ABHD12: variants seen among roughly 807,000 people sequenced by gnomAD.
ABHD12 encodes abhydrolase domain containing 12, lysophospholipase, also known as lysophosphatidylserine lipase ABHD12.
Under a neutral mutation model 58.3 loss-of-function variants are expected in ABHD12, and 43 were observed. That is an observed-to-expected ratio of 0.74 (90% CI 0.58 to 0.95). The LOEUF is 0.95. ABHD12 is among the 40% of genes least tolerant of loss of function. ABHD12 has a pLI of 0.00. For missense variants in ABHD12, 539 were observed against 537.2 expected, an observed-to-expected ratio of 1.00 and a Z score of -0.03; for synonymous variants, 219 against 211.2, an observed-to-expected ratio of 1.04 and a Z score of -0.32.
chr20:25,370,374 A>G (rs938732828), intron 1 of ABHD12, among the ~76,000 whole-genome samples: 1 of 152,116 alleles, frequency 6.6e-6, no homozygotes, highest in Non-Finnish European at 1.5e-5. Flanking sequence ...GGCTCTGTGG[A>G]AGACTCAGAG....
chr20:25,390,751 C>A lies in ABHD12; in HGVS notation c.-48G>T. The A allele has an allele frequency of 9.0e-6, 11 of 1,217,714 alleles. No individual in the cohort carries two copies. Among genetic ancestry groups the A allele is most frequent in the Non-Finnish European group, 1.1e-5 (11 of 972,728 alleles). The allele number at this position is 1,217,714 out of a possible 1,614,324, so 75.4% of individuals were successfully genotyped here. ...GCCGACGGCGCCCGCTGGCCTGCGC[C>A]GCAGTGCCGCCGCTCACAGCCGCCG... On this transcript the variant is annotated 5_prime_UTR_variant, in exon 1 of 13. Coordinates refer to ENST00000339157, the MANE Select transcript of ABHD12 (RefSeq NM_001042472.3).
At chr20:25,330,495 T>C (rs2089253894) in intron 2 of ABHD12, among the ~76,000 whole-genome samples, 1 of 152,222 alleles carries the variant, frequency 6.6e-6, no homozygotes, top group Non-Finnish European at 1.5e-5. Context: ...CTCTGTAGGC[T>C]CCACCTCTGG....
At chr20:25,341,648 C>T (rs1168192920) in intron 1 of ABHD12, among the ~76,000 whole-genome samples, 1 of 152,138 alleles carries the variant, frequency 6.6e-6, no homozygotes, top group Non-Finnish European at 1.5e-5. Flanking sequence ...CATGTGAGTC[C>T]TTGCACCAAA....
downstream of ABHD12, among the ~76,000 whole-genome samples, chr20:25,295,215 G>T (rs1246884523): frequency 6.6e-6 from 1 of 152,242 alleles, no homozygotes; most frequent in Non-Finnish European, 1.5e-5. Context: ...GACGGCAAAT[G>T]GAGATGCCGT....
chr20:25,323,278 G>T, intron 3 of ABHD12, 47 bp downstream of exon 3: 1 of 1,181,866 alleles, frequency 8.5e-7, no homozygotes, highest in Non-Finnish European at 1.3e-6. Context: ...AGTCATGTAG[G>T]GTCCTTTCCT....
At chr20:25,308,771 G>A (rs536995628) in intron 7 of ABHD12, among the ~76,000 whole-genome samples, 75 of 152,190 alleles carry the variant, frequency 4.9e-4, no homozygotes, top group African/African-American at 1.4e-3. Context: ...CCCATTGGCC[G>A]GGCCGCCTGT....
intron 10 of ABHD12, among the ~76,000 whole-genome samples, chr20:25,303,974 A>T (rs1424897170): frequency 4.6e-5 from 7 of 152,214 alleles, no homozygotes; most frequent in Non-Finnish European, 1.0e-4. Context: ...ATCTGTTGGT[A>T]AAAAAAGTCA....
At chr20:25,328,955 T>A (rs2089221233) in intron 2 of ABHD12, among the ~76,000 whole-genome samples, 1 of 152,170 alleles carries the variant, frequency 6.6e-6, no homozygotes. Context: ...AGTATTACTC[T>A]AAATGAGCAG....
intron 2 of ABHD12, among the ~76,000 whole-genome samples, chr20:25,331,158 G>A (rs913142189): frequency 3.1e-4 from 47 of 152,190 alleles, no homozygotes; most frequent in Non-Finnish European, 5.0e-4. Context: ...CGAGAACTAC[G>A]TGAAGAATGC....
chr20:25,362,971 C>A (rs1469569368), intron 1 of ABHD12, among the ~76,000 whole-genome samples: 3 of 151,868 alleles, frequency 2.0e-5, no homozygotes, highest in Non-Finnish European at 4.4e-5. Context: ...CTGTGCCCAG[C>A]CTTTTACTTG....
At chr20:25,355,802 C>T (rs562147389) in intron 1 of ABHD12, among the ~76,000 whole-genome samples, 12 of 152,314 alleles carry the variant, frequency 7.9e-5, no homozygotes, top group East Asian at 3.9e-4. Flanking sequence ...CGTGATCCAC[C>T]GGCCTCAGCC....
intron 2 of ABHD12, among the ~76,000 whole-genome samples, chr20:25,338,342 G>A (rs905579314): frequency 6.6e-6 from 1 of 152,162 alleles, no homozygotes; most frequent in Non-Finnish European, 1.5e-5. Flanking sequence ...TAGCCACAGA[G>A]TGACCCCAGA....
intron 1 of ABHD12, chr20:25,390,189 C>T (rs901367996): frequency 4.2e-5 from 10 of 238,670 alleles, no homozygotes; most frequent in Non-Finnish European, 8.0e-6. Context: ...CGGCGCCAAG[C>T]CCCCAGCGTA....
In ABHD12 at chr20:25,342,090, T is replaced by A. The variant is rs541086092; in HGVS notation, c.192-2739A>T. The stretch of plus-strand genomic sequence containing the variant: ...ACAGCTTCAGCCTGGGCAACAACAG[T>A]GAAACTCTGTCTCAAAAAAAAAAAA... On this transcript the variant is annotated intron_variant, in intron 1 of 12. Coordinates refer to ENST00000339157, the MANE Select transcript of ABHD12 (RefSeq NM_001042472.3). Among the ~76,000 whole-genome samples, 9 of 111,900 alleles carry A rather than the reference T, an allele frequency of 8.0e-5. No individual in the cohort carries two copies. The South Asian group carries it at 2.3e-3, about 28-fold the overall frequency. The allele number at this position is 111,900 out of a possible 152,430, so 73.4% of individuals were successfully genotyped here.
At chr20:25,297,828 A>AGTGGG (rs16438), downstream of ABHD12, 61,208 of 151,702 alleles carry the variant, frequency 0.4, 13,378 homozygotes, top group East Asian at 0.91. Flanking sequence ...CCTTTTATTG[A>AGTGGG]GTGGGGCAAG....
chr20:25,317,715 C>A (rs2088988718), intron 4 of ABHD12, among the ~76,000 whole-genome samples: 1 of 152,278 alleles, frequency 6.6e-6, no homozygotes, highest in Admixed American at 6.5e-5. Context: ...ACTACAGCTT[C>A]ACCGTGCATG....
chr20:25,323,126 G>C lies in ABHD12; in HGVS notation c.422+199C>G, dbSNP rs2089111197. Among the ~76,000 whole-genome samples, 3 of 152,226 alleles carry C rather than the reference G, an allele frequency of 2.0e-5. No homozygotes were observed. In the South Asian group the frequency reaches 6.2e-4, roughly 32 times the overall value. ...CACAAAGCCTTTGCTGTTTTGAAAG[G>C]CTGGGAATAGAGTTTAAAGCCATTG... On this transcript the variant is annotated intron_variant, in intron 3 of 12. Coordinates refer to ENST00000339157, the MANE Select transcript of ABHD12 (RefSeq NM_001042472.3).
intron 11 of ABHD12, 141 bp from the exon 12 acceptor site, chr20:25,302,487 G>A (rs964407117): frequency 4.3e-5 from 49 of 1,140,204 alleles, no homozygotes; most frequent in Non-Finnish European, 5.5e-5. Context: ...AGCCGGTCAC[G>A]ACCAGGAGGC....
intron 1 of ABHD12, among the ~76,000 whole-genome samples, chr20:25,370,398 A>G (rs1306474476): frequency 6.6e-6 from 1 of 152,198 alleles, no homozygotes; most frequent in Non-Finnish European, 1.5e-5. Context: ...ACCAACTCCA[A>G]GAAAAGACTT....
Sources: allele counts gnomAD v4.1 joint callset (sites outside exome capture counted in the v4.1 genomes callset), GRCh38; gene constraint gnomAD v4.1.1; transcripts MANE v1.5; gene names NCBI Gene and HGNC (gene_info 2026-07-23, HGNC 2026-07-21).